The following PCDHGA5 variants were observed in gnomAD, a reference collection of about 807,000 sequenced individuals.
PCDHGA5 encodes protocadherin gamma subfamily A, 5.
Under a neutral mutation model 56.7 loss-of-function variants are expected in PCDHGA5, and 36 were observed. That is an observed-to-expected ratio of 0.64 (90% CI 0.49 to 0.84). The LOEUF (loss-of-function observed/expected upper bound fraction) is 0.84. PCDHGA5 is among the 40% of genes least tolerant of loss of function. The pLI is 0.00. For synonymous variants in PCDHGA5, 563 were observed against 520.2 expected (o/e 1.08, Z -1.12); for missense variants, 1,305 against 1,201.5 (o/e 1.09, Z -1.27).
intron 1 of PCDHGA5, chr5:141,397,910 C>G (rs1016162515): frequency 1.3e-5 from 9 of 680,688 alleles, no homozygotes; most frequent in Non-Finnish European, 2.2e-5. Flanking sequence ...GCTTGGCGCT[C>G]CAGATCTCCT....
intron 1 of PCDHGA5, among the ~76,000 whole-genome samples, chr5:141,369,622 ATTACCT>A (rs1766388164): frequency 6.6e-6 from 1 of 152,224 alleles, no homozygotes; most frequent in South Asian, 2.1e-4. Flanking sequence ...TCATTTCCTC[ATTACCT>A]TTAACTTCTT....
chr5:141,489,830 A>G lies in PCDHGA5; in HGVS notation c.2422-4977A>G, dbSNP rs760376311. On this transcript the variant is annotated intron_variant, in intron 1 of 3. Coordinates refer to ENST00000518069, the MANE Select transcript of PCDHGA5 (RefSeq NM_018918.3). The surrounding 1 kb of genome is among the most constrained non-coding windows in gnomAD (Gnocchi z 4.5). ...AAGCCATTCCCAGAGCTGGTGCTAG[A>G]GCAGCAGCTGGATCGTGAAGCCCAG... 1.9e-6 allele frequency: 3 copies of G among 1,614,200 alleles called. No individual in the cohort carries two copies. Among genetic ancestry groups the G allele is most frequent in the East Asian group, 2.2e-5 (1 of 44,878 alleles).
chr5:141,385,241 G>A lies in PCDHGA5; in HGVS notation c.2421+18490G>A, dbSNP rs749708848. ...CCCAACTATGTAGACATGCTCATCA[G>A]CCAGGAGAGCTGTGAGAAAAATGAT... On this transcript the variant is annotated intron_variant, in intron 1 of 3. Transcript: ENST00000518069. 9 of 1,613,904 alleles carry A rather than the reference G, an allele frequency of 5.6e-6. No homozygotes were observed. The Admixed American group carries it at 1.5e-4, about 27-fold the overall frequency.
chr5:141,400,709 G>A (rs1361669405), intron 1 of PCDHGA5: 1 of 696,272 alleles, frequency 1.4e-6, no homozygotes, highest in East Asian at 2.7e-5. Flanking sequence ...AAAAGAAGTA[G>A]CCTTATAGAT....
chr5:141,393,214 A>G, intron 1 of PCDHGA5: 1 of 1,613,636 alleles, frequency 6.2e-7, no homozygotes, highest in East Asian at 2.2e-5. Flanking sequence ...CCAAAATTCC[A>G]GGTCGAAGAT....
At chr5:141,413,056 T>A in intron 1 of PCDHGA5, 1 of 1,030,200 alleles carries the variant, frequency 9.7e-7, no homozygotes, top group East Asian at 2.6e-5. Flanking sequence ...GGAAGCTCAC[T>A]CCAGAATTTA....
chr5:141,399,012 A>G (rs767195686), intron 1 of PCDHGA5: 7 of 1,613,946 alleles, frequency 4.3e-6, no homozygotes, highest in Admixed American at 3.3e-5. Context: ...CAAAGAGCGG[A>G]GAAATTACCA....
At chr5:141,385,302 A>G in intron 1 of PCDHGA5, 1 of 1,613,202 alleles carries the variant, frequency 6.2e-7, no homozygotes, top group Admixed American at 1.7e-5. Flanking sequence ...AGGAATGTAA[A>G]GAAAACCTGC....
At position 141,476,387 on chromosome 5, in the gene PCDHGA5, C is replaced by A. The variant is rs147660262; in HGVS notation, c.2422-18420C>A. ...GACCGGAGAGATGTTTGTGAACGAC[C>A]GTCTGGATCGAGAGGAGCTGTGTGG... is the stretch of plus-strand genomic sequence containing the variant. On this transcript the variant is annotated intron_variant, in intron 1 of 3. Transcript: ENST00000518069. The surrounding 1 kb of genome is among the most constrained non-coding windows in gnomAD (Gnocchi z 7.6). 1.2e-6 allele frequency: 2 copies of A among 1,614,076 alleles called. No individual in the cohort carries two copies. Among genetic ancestry groups the A allele is most frequent in the Non-Finnish European group, 8.5e-7 (1 of 1,180,024 alleles).
In PCDHGA5 at chr5:141,456,564, A is replaced by G. The variant is rs1174191537; in HGVS notation, c.2422-38243A>G. ...TTGTAGCCACTCGGGGCTGAAGCCC[A>G]CATTTTCCCTGAGCCTGTCAATAAT... On this transcript the variant is annotated intron_variant, in intron 1 of 3. Coordinates refer to ENST00000518069, the MANE Select transcript of PCDHGA5 (RefSeq NM_018918.3). Among the ~76,000 whole-genome samples the G allele has an allele frequency of 2.6e-5, 4 of 152,338 alleles. No individual in the cohort carries two copies. The South Asian group carries it at 6.2e-4, about 24-fold the overall frequency.
intron 1 of PCDHGA5, chr5:141,409,896 C>T (rs1181128940): frequency 6.2e-7 from 1 of 1,613,240 alleles, no homozygotes; most frequent in East Asian, 2.2e-5. Flanking sequence ...GTGCTGTACC[C>T]AGCTCTGGGT....
At chr5:141,395,093 C>CT (rs2093169149) in intron 1 of PCDHGA5, 4 of 1,614,040 alleles carry the variant, frequency 2.5e-6, no homozygotes, top group Non-Finnish European at 3.4e-6. Flanking sequence ...TCTCCCTCAC[C>CT]GCCGACTCGC....
intron 1 of PCDHGA5, among the ~76,000 whole-genome samples, chr5:141,381,826 C>CTTTTTTTTTTTTTTTTTTTTTTTT (rs770630741): frequency 4.0e-5 from 3 of 74,284 alleles, no homozygotes; most frequent in African/African-American, 6.2e-5. Context: ...CTTTCTTCTT[C>CTTTTTTTTTTTTTTTTTTTTTTTT]TTTTTTTTTT....
In PCDHGA5 at chr5:141,394,244, C is replaced by T. The variant is rs371631729; in HGVS notation, c.2421+27493C>T. On this transcript the variant is annotated intron_variant, in intron 1 of 3. Coordinates refer to ENST00000518069, the MANE Select transcript of PCDHGA5 (RefSeq NM_018918.3). ...CCTCCATCTTTTCCTTGACTGCACA[C>T]GACCCCGACAGCCAGGAGAATGCCC... The T allele has an allele frequency of 1.5e-5, 25 of 1,613,938 alleles. No homozygotes were observed. In the African/African-American group the frequency reaches 2.3e-4, roughly 15 times the overall value.
rs773389466 is a variant in PCDHGA5, at chr5:141,388,420, C to T, written c.2421+21669C>T. The T allele has an allele frequency of 3.1e-6, 5 of 1,613,778 alleles. No homozygotes were observed. The South Asian group carries it at 4.4e-5, about 14-fold the overall frequency. ...CAACTCAGTCCCAGTGATCATTTCT[C>T]ACTGATAAATAAAGAGAAATCAGAT... On this transcript the variant is annotated intron_variant, in intron 1 of 3. Coordinates refer to ENST00000518069, the MANE Select transcript of PCDHGA5 (RefSeq NM_018918.3).
At chr5:141,501,602 A>T (rs766918685) in intron 2 of PCDHGA5, among the ~76,000 whole-genome samples, 1 of 152,026 alleles carries the variant, frequency 6.6e-6, no homozygotes. Flanking sequence ...TACCAGTTCC[A>T]GCTGTGTGAC....
At chr5:141,389,725 T>A in intron 1 of PCDHGA5, 1 of 1,612,726 alleles carries the variant, frequency 6.2e-7, no homozygotes, top group South Asian at 1.1e-5. Flanking sequence ...GAGCCCGGGC[T>A]CTTCAGCCTG....
chr5:141,391,887 T>C (rs970251505), intron 1 of PCDHGA5: 1 of 152,200 alleles, frequency 6.6e-6, no homozygotes, highest in Non-Finnish European at 1.5e-5. Context: ...GTGAAAGGGA[T>C]GGGATGGAGC....
At chr5:141,367,992 G>T (rs973749117) in intron 1 of PCDHGA5, among the ~76,000 whole-genome samples, 1 of 152,088 alleles carries the variant, frequency 6.6e-6, no homozygotes, top group Non-Finnish European at 1.5e-5. Context: ...TAATAGATTT[G>T]TCTTAATGAA....
Sources: gnomAD v4.1 joint callset for allele counts (sites outside exome capture counted in the v4.1 genomes callset) on GRCh38, gnomAD v4.1.1 for gene constraint, Gnocchi (gnomAD v3.1) non-coding constraint, MANE v1.5 for transcripts, NCBI Gene and HGNC (gene_info 2026-07-23, HGNC 2026-07-21) for gene names.